The following TBCA variants were observed in gnomAD, a reference collection of about 807,000 sequenced individuals.
TBCA encodes tubulin-specific chaperone A.
A neutral mutation model predicts 15.8 loss-of-function variants in TBCA; 6 were observed. The ratio of observed to expected loss-of-function variants is 0.38; its 90% CI spans 0.21 to 0.75. The LOEUF (loss-of-function observed/expected upper bound fraction) is 0.75. Ranked by LOEUF, TBCA falls within the 30% of genes least tolerant of loss-of-function variation. The probability of loss-of-function intolerance (pLI) is 0.46; values close to 1 mark genes in which losing one functional copy is unlikely to be tolerated. For synonymous variants in TBCA, 32 were observed against 42.3 expected, an observed-to-expected ratio of 0.76 and a Z score of 0.94; for missense variants, 90 against 131.2, an observed-to-expected ratio of 0.69 and a Z score of 1.53.
At chr5:77,720,286 T>G (rs766712019) in intron 1 of TBCA, among the ~76,000 whole-genome samples, 1 of 152,150 alleles carries the variant, frequency 6.6e-6, no homozygotes, top group Non-Finnish European at 1.5e-5. Context: ...TGAGGGGTTT[T>G]GTTTTGTTTT....
chr5:77,704,674 A>G (rs908088274), intron 2 of TBCA, among the ~76,000 whole-genome samples: 5 of 147,128 alleles, frequency 3.4e-5, no homozygotes, highest in Non-Finnish European at 7.4e-5. Flanking sequence ...CCCATTGTAT[A>G]TGATAAAAAA....
intron 1 of TBCA, among the ~76,000 whole-genome samples, chr5:77,768,322 A>C (rs1044193022): frequency 6.6e-6 from 1 of 152,214 alleles, no homozygotes; most frequent in Admixed American, 6.5e-5. Flanking sequence ...AATACAAAAA[A>C]AACAGGTACT....
chr5:77,738,181 T>C (rs1344033731), intron 1 of TBCA, among the ~76,000 whole-genome samples: 4 of 152,214 alleles, frequency 2.6e-5, no homozygotes, highest in Non-Finnish European at 4.4e-5. Context: ...TTTATTGTTA[T>C]TTTCCACTAT....
Position 77,692,026 on chromosome 5 carries a change from T to C in TBCA, c.247-528A>G, listed in dbSNP as rs1745762261. On this transcript the variant is annotated intron_variant, in intron 3 of 3. Transcript: ENST00000380377. ...ATACCCTACACTAAAGGAAACAAAA[T>C]ACATCTTTCATTTTCTGATATTTAA... 9 of 985,248 alleles carry C rather than the reference T, an allele frequency of 9.1e-6. No individual in the cohort carries two copies. In the Admixed American group the frequency reaches 5.5e-4, roughly 61 times the overall value. The allele number at this position is 985,248 out of a possible 1,614,324, so 61.0% of individuals were successfully genotyped here. A position where few individuals can be genotyped will look rare whatever the true frequency, so the allele number is the denominator to read the frequency against.
intron 1 of TBCA, among the ~76,000 whole-genome samples, chr5:77,747,152 A>C (rs551564763): frequency 1.3e-5 from 2 of 152,190 alleles, no homozygotes; most frequent in East Asian, 3.9e-4. Context: ...TTACCAGCCA[A>C]ATCTCTAAAA....
At chr5:77,742,890 A>G (rs1304908692) in intron 1 of TBCA, among the ~76,000 whole-genome samples, 1 of 152,226 alleles carries the variant, frequency 6.6e-6, no homozygotes, top group African/African-American at 2.4e-5. Context: ...ATGGAGATCA[A>G]TTGCTACTGT....
chr5:77,766,970 T>A (rs1045596387), intron 1 of TBCA, among the ~76,000 whole-genome samples: 1 of 152,228 alleles, frequency 6.6e-6, no homozygotes, highest in Non-Finnish European at 1.5e-5. Context: ...ACCATCCCTT[T>A]GGTCCTGAAA....
chr5:77,729,105 G>A (rs1464070326), intron 1 of TBCA, among the ~76,000 whole-genome samples: 1 of 152,030 alleles, frequency 6.6e-6, no homozygotes, highest in Non-Finnish European at 1.5e-5. Context: ...CCTGAGGTCC[G>A]GAGTTCAAGA....
At chr5:77,723,528 T>C (rs1258154679) in intron 1 of TBCA, among the ~76,000 whole-genome samples, 1 of 151,972 alleles carries the variant, frequency 6.6e-6, no homozygotes, top group African/African-American at 2.4e-5. Flanking sequence ...TTTAATGCTG[T>C]GAGAAACTGA....
At chr5:77,728,573 G>A (rs1746683871) in intron 1 of TBCA, among the ~76,000 whole-genome samples, 1 of 152,090 alleles carries the variant, frequency 6.6e-6, no homozygotes, top group Non-Finnish European at 1.5e-5. Flanking sequence ...TAATCCCTAA[G>A]CAGGAGGTGG....
At chr5:77,756,248 C>A (rs1747474994) in intron 1 of TBCA, among the ~76,000 whole-genome samples, 1 of 152,152 alleles carries the variant, frequency 6.6e-6, no homozygotes, top group Admixed American at 6.5e-5. Context: ...AGAGGTCTAG[C>A]ACCTTCCAGA....
chr5:77,713,436 T>C, intron 1 of TBCA, among the ~76,000 whole-genome samples: 1 of 152,198 alleles, frequency 6.6e-6, no homozygotes. Context: ...TGAAGTATTA[T>C]CCTATTGGAT....
At chr5:77,763,556 G>A (rs1489231742) in intron 1 of TBCA, among the ~76,000 whole-genome samples, 3 of 152,280 alleles carry the variant, frequency 2.0e-5, no homozygotes, top group African/African-American at 7.2e-5. Flanking sequence ...TGGGGTCTTT[G>A]GAAGGTAATG....
At chr5:77,693,113 C>T (rs1429046006) in intron 3 of TBCA, 153 bp downstream of exon 3, 11 of 1,486,082 alleles carry the variant, frequency 7.4e-6, no homozygotes, top group Non-Finnish European at 9.8e-6. Flanking sequence ...ACAATTTAAA[C>T]TCCATTAATT....
intron 1 of TBCA, among the ~76,000 whole-genome samples, chr5:77,727,239 G>GAAAAAA (rs35477479): frequency 3.0e-4 from 24 of 80,934 alleles, no homozygotes; most frequent in East Asian, 7.6e-4. Context: ...TCTGTCTCAG[G>GAAAAAA]AAAAAAAAAA....
intron 1 of TBCA, among the ~76,000 whole-genome samples, chr5:77,755,764 G>C (rs563084431): frequency 6.6e-6 from 1 of 152,146 alleles, no homozygotes; most frequent in East Asian, 1.9e-4. Context: ...CAGCACTTTG[G>C]GAGGCCAAGG....
chr5:77,763,583 G>C (rs1474131660), intron 1 of TBCA, among the ~76,000 whole-genome samples: 1 of 152,144 alleles, frequency 6.6e-6, no homozygotes, highest in African/African-American at 2.4e-5. Flanking sequence ...AGAGGGTGGA[G>C]CCCTCATGAA....
chr5:77,691,362 G>C lies in TBCA; in HGVS notation c.*56C>G, dbSNP rs1309461423. 8 of 1,433,474 alleles carry C rather than the reference G, an allele frequency of 5.6e-6. No homozygotes were observed. The highest frequency in any genetic ancestry group is 9.6e-7 in the Non-Finnish European group (1 of 1,037,570). The allele number at this position is 1,433,474 out of a possible 1,614,324, so 88.8% of individuals were successfully genotyped here. ...CACATAGCAGTGGTCAAAAATAATG[G>C]ATTGTAAAATGGACCCCAGGATTTA... is the stretch of plus-strand genomic sequence containing the variant. On this transcript the variant is annotated 3_prime_UTR_variant, in exon 4 of 4. Coordinates refer to ENST00000380377, the MANE Select transcript of TBCA (RefSeq NM_004607.3).
At chr5:77,766,307 A>G (rs1747775684) in intron 1 of TBCA, among the ~76,000 whole-genome samples, 1 of 152,138 alleles carries the variant, frequency 6.6e-6, no homozygotes. Context: ...ATTTTCCACA[A>G]TAGACTAGTC....
Sources: allele counts gnomAD v4.1 joint callset (sites outside exome capture counted in the v4.1 genomes callset), GRCh38; gene constraint gnomAD v4.1.1; transcripts MANE v1.5; gene names NCBI Gene and HGNC (gene_info 2026-07-23, HGNC 2026-07-21).